LRCH1: variants seen among roughly 807,000 people sequenced by gnomAD.
LRCH1 encodes the protein leucine-rich repeat and calponin homology domain-containing protein 1.
In LRCH1, 23 loss-of-function variants were observed where a neutral mutation model predicts 94.9. That is an observed-to-expected ratio of 0.24 (90% CI 0.17 to 0.34). The LOEUF (loss-of-function observed/expected upper bound fraction) is 0.34, where lower values mean the gene tolerates loss of function less well. LRCH1 is among the 10% of genes least tolerant of loss of function. The pLI is 1.00. For missense variants in LRCH1, 790 were observed against 945.9 expected, an observed-to-expected ratio of 0.84 and a Z score of 2.16; for synonymous variants, 364 against 354.9, an observed-to-expected ratio of 1.03 and a Z score of -0.29.
intron 1 of LRCH1, among the ~76,000 whole-genome samples, chr13:46,565,437 A>G (rs2050172219): frequency 6.6e-6 from 1 of 152,178 alleles, no homozygotes; most frequent in Admixed American, 6.5e-5. Context: ...GCTGCTAGTC[A>G]GCAGTTGAGA....
chr13:46,691,457 G>A (rs559160790), intron 7 of LRCH1, among the ~76,000 whole-genome samples: 2 of 152,280 alleles, frequency 1.3e-5, no homozygotes, highest in East Asian at 1.9e-4. Flanking sequence ...ACAGGCACCC[G>A]TATTAGTTCA....
intron 16 of LRCH1, among the ~76,000 whole-genome samples, chr13:46,721,309 C>T (rs887570267): frequency 5.3e-5 from 8 of 152,172 alleles, no homozygotes; most frequent in African/African-American, 1.7e-4. Context: ...AGAAAACATT[C>T]GATGTGTTTA....
At chr13:46,690,092 C>T (rs1276739807) in intron 7 of LRCH1, among the ~76,000 whole-genome samples, 1 of 151,944 alleles carries the variant, frequency 6.6e-6, no homozygotes, top group East Asian at 1.9e-4. Context: ...TTCTCCAATT[C>T]TCCTCAAGTC....
At position 46,718,637 on chromosome 13, in the gene LRCH1, A is replaced by G. The variant is rs141445308; in HGVS notation, c.1759+2973A>G. Among the ~76,000 whole-genome samples the G allele has an allele frequency of 9.8e-5, 15 of 152,342 alleles. No homozygotes were observed. The East Asian group carries it at 2.9e-3, about 29-fold the overall frequency. ...AAATGTGAGCATTTTGAGGACACCG[A>G]ATGTGTCCAGTTCAATTTTAGGCAC... On this transcript the variant is annotated intron_variant, in intron 16 of 19. Coordinates refer to ENST00000389797, the MANE Select transcript of LRCH1 (RefSeq NM_001164211.2).
At chr13:46,602,786 C>G (rs1208581354) in intron 1 of LRCH1, among the ~76,000 whole-genome samples, 2 of 152,050 alleles carry the variant, frequency 1.3e-5, no homozygotes, top group Admixed American at 6.6e-5. Context: ...AACTCCATCT[C>G]TATAAAAAAT....
At chr13:46,633,563 A>G (rs560002863) in intron 1 of LRCH1, among the ~76,000 whole-genome samples, 3 of 152,332 alleles carry the variant, frequency 2.0e-5, no homozygotes, top group Non-Finnish European at 2.9e-5. Flanking sequence ...TCACGTTTCA[A>G]GAAGTTGTGA....
At chr13:46,631,901 G>T (rs543869847) in intron 1 of LRCH1, among the ~76,000 whole-genome samples, 1 of 152,098 alleles carries the variant, frequency 6.6e-6, no homozygotes, top group East Asian at 1.9e-4. Flanking sequence ...AAGTTGTTAT[G>T]AGATTAAGAC....
chr13:46,750,673 GC>G, exon 19 of LRCH1: 3 of 1,471,434 alleles, frequency 2.0e-6, no homozygotes, highest in Non-Finnish European at 2.8e-6. Flanking sequence ...TCCATTGGGG[GC>G]TCAGACTCTG....
intron 9 of LRCH1, among the ~76,000 whole-genome samples, chr13:46,697,853 C>T (rs1871274543): frequency 6.9e-6 from 1 of 144,938 alleles, no homozygotes; most frequent in African/African-American, 2.5e-5. Flanking sequence ...CAAAAGCAAC[C>T]CAGTACGCCT....
At chr13:46,582,489 G>GT (rs11385400) in intron 1 of LRCH1, among the ~76,000 whole-genome samples, 90,122 of 132,250 alleles carry the variant, frequency 0.68, 29,917 homozygotes, top group East Asian at 0.78. Flanking sequence ...TGAACATATT[G>GT]TTTTTTTTTT....
At chr13:46,593,283 C>CTTTTTTTT (rs34821427) in intron 1 of LRCH1, among the ~76,000 whole-genome samples, 1 of 92,200 alleles carries the variant, frequency 1.1e-5, no homozygotes, top group African/African-American at 4.2e-5. Flanking sequence ...TCTTTCTTTC[C>CTTTTTTTT]TTTTTTTTTT....
intron 1 of LRCH1, among the ~76,000 whole-genome samples, chr13:46,628,297 C>T (rs537171104): frequency 2.6e-5 from 4 of 152,102 alleles, no homozygotes; most frequent in South Asian, 2.1e-4. Flanking sequence ...CACACCAAGA[C>T]GTTTGCATGA....
chr13:46,591,252 A>G (rs548631834), intron 1 of LRCH1, among the ~76,000 whole-genome samples: 1 of 152,352 alleles, frequency 6.6e-6, no homozygotes, highest in African/African-American at 2.4e-5. Flanking sequence ...CACATCTTTC[A>G]TATGAAAGTA....
At chr13:46,738,340 T>C (rs543237777) in intron 19 of LRCH1, among the ~76,000 whole-genome samples, 3 of 152,362 alleles carry the variant, frequency 2.0e-5, no homozygotes, top group African/African-American at 7.2e-5. Context: ...ATTCAGATGC[T>C]AATGATGATT....
intron 1 of LRCH1, among the ~76,000 whole-genome samples, chr13:46,636,531 C>G (rs1351217736): frequency 6.6e-6 from 1 of 152,140 alleles, no homozygotes; most frequent in Non-Finnish European, 1.5e-5. Flanking sequence ...TGGCAACCAT[C>G]CTTATACCTT....
chr13:46,668,455 G>A (rs1388163799), intron 2 of LRCH1, among the ~76,000 whole-genome samples: 1 of 152,158 alleles, frequency 6.6e-6, no homozygotes, highest in Non-Finnish European at 1.5e-5. Context: ...TTAAACTGTA[G>A]CAACCCTTGT....
intron 1 of LRCH1, among the ~76,000 whole-genome samples, chr13:46,625,943 G>A (rs1381304912): frequency 6.6e-6 from 1 of 152,088 alleles, no homozygotes; most frequent in Non-Finnish European, 1.5e-5. Flanking sequence ...GTGAGCCACC[G>A]AACCCAGCCA....
In LRCH1 at chr13:46,744,794, G is replaced by A; in HGVS notation, c.*2946G>A. 1.0e-6 allele frequency: 1 copy of A among 984,708 alleles called. No individual in the cohort carries two copies. The highest frequency in any genetic ancestry group is 1.2e-6 in the Non-Finnish European group (1 of 829,344). The allele number at this position is 984,708 out of a possible 1,614,324, so 61.0% of individuals were successfully genotyped here. On this transcript the variant is annotated 3_prime_UTR_variant, in exon 20 of 20. Transcript: ENST00000389797. ...AGAAACTGAAAGTTGTTTTGGATTAGGTGAAAAATACTTTAATATGATTTT... is the reference window on the plus strand; with the variant it reads ...AGAAACTGAAAGTTGTTTTGGATTAAGTGAAAAATACTTTAATATGATTTT...
intron 1 of LRCH1, among the ~76,000 whole-genome samples, chr13:46,596,374 T>A (rs1054514537): frequency 6.6e-6 from 1 of 152,234 alleles, no homozygotes; most frequent in African/African-American, 2.4e-5. Flanking sequence ...AAAGCATCTT[T>A]ACTTCTCCAG....
Sources: allele counts gnomAD v4.1 joint callset (sites outside exome capture counted in the v4.1 genomes callset), GRCh38; gene constraint gnomAD v4.1.1; transcripts MANE v1.5; gene names NCBI Gene and HGNC (gene_info 2026-07-23, HGNC 2026-07-21).